The following R3HDML variants were observed in gnomAD, a reference collection of about 807,000 sequenced individuals.
R3HDML encodes peptidase inhibitor R3HDML.
A neutral mutation model predicts 24.2 loss-of-function variants in R3HDML; 21 were observed. The observed-to-expected ratio is 0.87, with a 90% confidence interval of 0.62 to 1.25. R3HDML has a LOEUF of 1.25. Ranked by LOEUF, R3HDML falls within the 50% of genes most tolerant of loss-of-function variation. R3HDML has a pLI of 0.00. For synonymous variants in R3HDML, 133 were observed against 131.5 expected (o/e 1.01, Z -0.08); for missense variants, 301 against 340.3 (o/e 0.88, Z 0.91).
chr20:44,349,059 G>A (rs370731235), intron 4 of R3HDML, among the ~76,000 whole-genome samples: 19 of 151,946 alleles, frequency 1.3e-4, no homozygotes, highest in Middle Eastern at 3.4e-3. Context: ...CCCGGGAGGC[G>A]GAGTCTGCAG....
chr20:44,338,340 G>C (rs180768570), intron 1 of R3HDML, among the ~76,000 whole-genome samples: 2 of 152,318 alleles, frequency 1.3e-5, no homozygotes, highest in Admixed American at 1.3e-4. Flanking sequence ...GCTGGTAACA[G>C]AATAGACAAG....
intron 1 of R3HDML, among the ~76,000 whole-genome samples, chr20:44,338,987 C>T (rs529707933): frequency 4.0e-5 from 6 of 150,784 alleles, no homozygotes; most frequent in African/African-American, 1.2e-4. Flanking sequence ...GCAGGAGAAT[C>T]GCTTGAACCT....
At chr20:44,339,569 G>T (rs149985067) in intron 1 of R3HDML, among the ~76,000 whole-genome samples, 1 of 143,084 alleles carries the variant, frequency 7.0e-6, no homozygotes, top group South Asian at 2.5e-4. Context: ...GCTGCCATTT[G>T]CCTATATATA....
chr20:44,337,096 T>C lies in R3HDML; in HGVS notation c.-62T>C. The C allele has an allele frequency of 6.4e-7, 1 of 1,555,806 alleles. No homozygotes were observed. ...GCTCAGGGTCTGGTGCTCTCGTGCC[T>C]GCCCCTTCCAGGCAGCCGGCTCTGA... On this transcript the variant is annotated 5_prime_UTR_variant, in exon 1 of 5. Transcript: ENST00000217043. This position sits in a 1 kb window ranked among gnomAD's most constrained non-coding sequence, Gnocchi z 4.7.
chr20:44,346,423 T>G (rs926021222), intron 4 of R3HDML, among the ~76,000 whole-genome samples: 1 of 152,220 alleles, frequency 6.6e-6, no homozygotes, highest in African/African-American at 2.4e-5. Context: ...CCAATAATCC[T>G]TTTCCTTTAC....
intron 3 of R3HDML, among the ~76,000 whole-genome samples, chr20:44,344,274 C>A (rs1232965298): frequency 6.7e-6 from 1 of 148,280 alleles, no homozygotes; most frequent in African/African-American, 2.5e-5. Context: ...GAACGAGACT[C>A]CGTCTCAAAA....
At chr20:44,341,924 G>A (rs539082048) in intron 2 of R3HDML, among the ~76,000 whole-genome samples, 1 of 152,134 alleles carries the variant, frequency 6.6e-6, no homozygotes, top group African/African-American at 2.4e-5. Flanking sequence ...AAGATAAGGG[G>A]ATAAAATAAA....
intron 4 of R3HDML, among the ~76,000 whole-genome samples, chr20:44,349,317 T>C (rs1046746509): frequency 2.7e-5 from 4 of 150,522 alleles, no homozygotes; most frequent in Admixed American, 1.3e-4. Context: ...ACTATAGTGA[T>C]TGCAATCCTT....
intron 1 of R3HDML, among the ~76,000 whole-genome samples, chr20:44,339,128 G>A (rs1399488962): frequency 6.6e-6 from 1 of 150,906 alleles, no homozygotes; most frequent in Non-Finnish European, 1.5e-5. Context: ...CCCCTCTTTG[G>A]ATGCCCCATT....
intron 1 of R3HDML, among the ~76,000 whole-genome samples, chr20:44,339,715 G>C (rs979172298): frequency 6.6e-6 from 1 of 151,904 alleles, no homozygotes; most frequent in Admixed American, 6.6e-5. Context: ...CGGTGTGCAG[G>C]GTGGTGGGGT....
At chr20:44,338,354 C>G (rs1360330621) in intron 1 of R3HDML, among the ~76,000 whole-genome samples, 1 of 152,176 alleles carries the variant, frequency 6.6e-6, no homozygotes, top group African/African-American at 2.4e-5. Flanking sequence ...AGACAAGGCC[C>G]CTTCCTTCAC....
intron 4 of R3HDML, among the ~76,000 whole-genome samples, chr20:44,349,898 T>C (rs947773475): frequency 2.0e-5 from 3 of 151,928 alleles, no homozygotes; most frequent in Non-Finnish European, 2.9e-5. Flanking sequence ...GGTGAAACCC[T>C]GTCTGTACTA....
At chr20:44,349,476 C>G (rs1348083766) in intron 4 of R3HDML, among the ~76,000 whole-genome samples, 1 of 152,136 alleles carries the variant, frequency 6.6e-6, no homozygotes, top group African/African-American at 2.4e-5. Context: ...GCAGCCGGCA[C>G]AAATCCTGAT....
Position 44,337,724 on chromosome 20 carries a change from C to T in R3HDML, c.261+306C>T, listed in dbSNP as rs899920046. 5.5e-5 allele frequency among the ~76,000 whole-genome samples: 8 copies of T among 145,878 alleles called. No individual in the cohort carries two copies. Among genetic ancestry groups the T allele is most frequent in the African/African-American group, 2.6e-5 (1 of 38,592 alleles). ...CATCTCCATTTTCCAGAGGAAGAAA[C>T]TGAGACTCAGAGAATTAATTTGCCC... On this transcript the variant is annotated intron_variant, in intron 1 of 4. Coordinates refer to ENST00000217043, the MANE Select transcript of R3HDML (RefSeq NM_178491.4). This position sits in a 1 kb window ranked among gnomAD's most constrained non-coding sequence, Gnocchi z 4.7.
At chr20:44,345,225 C>A in intron 3 of R3HDML, 38 bp from the exon 4 acceptor site, 1 of 1,545,936 alleles carries the variant, frequency 6.5e-7, no homozygotes, top group Non-Finnish European at 8.9e-7. Flanking sequence ...TCCCACTGAG[C>A]CCTTCTCATA....
chr20:44,344,905 T>C, intron 3 of R3HDML: 1 of 215,528 alleles, frequency 4.6e-6, no homozygotes, highest in Non-Finnish European at 9.2e-6. Flanking sequence ...CCAACTTCCT[T>C]CTCGCGACTG....
In R3HDML at chr20:44,345,361, C is replaced by G. The variant is rs2062783600; in HGVS notation, c.612C>G (p.Val204=). The G allele has an allele frequency of 6.2e-7, 1 of 1,613,382 alleles. No homozygotes were observed. Among genetic ancestry groups the G allele is most frequent in the African/African-American group, 1.3e-5 (1 of 75,048 alleles). The part of the protein sequence containing the change: ...GNTWHRAAYL[V]CNYAIKGNWI... The stretch of plus-strand genomic sequence containing the variant: ...CCTGGCATCGGGCGGCATACCTGGT[C>G]TGCAACTATGCCATTAAGTAAGTGC... The change falls in exon 4 of 5, where the codon GTC becomes GTG. Residue 204 remains valine, a synonymous_variant. Coordinates refer to ENST00000217043, the MANE Select transcript of R3HDML (RefSeq NM_178491.4).
At chr20:44,339,848 G>A (rs2062767574) in intron 1 of R3HDML, among the ~76,000 whole-genome samples, 1 of 151,936 alleles carries the variant, frequency 6.6e-6, no homozygotes, top group Admixed American at 6.6e-5. Context: ...GCACGATCTC[G>A]GCTCACTACA....
chr20:44,337,297 T>G lies in R3HDML; in HGVS notation c.140T>G (p.Leu47Arg), dbSNP rs557561742. The change falls in exon 1 of 5, where the codon CTG becomes CGG. Residue 47 changes from leucine to arginine, a missense_variant. Transcript: ENST00000217043. The surrounding 1 kb of genome is among the most constrained non-coding windows in gnomAD (Gnocchi z 4.7). ...ACGGCTATGCGGCTCCTGAGTGGCCTGGAGGTGCCCAGGTACCGCCGGAAG... is the reference window on the plus strand; with the variant it reads ...ACGGCTATGCGGCTCCTGAGTGGCCGGGAGGTGCCCAGGTACCGCCGGAAG... ...ESTAMRLLSGLEVPRYRRKRH... is the reference protein window; with the variant it reads ...ESTAMRLLSGREVPRYRRKRH... 1.4e-5 allele frequency: 22 copies of G among 1,614,176 alleles called. No individual in the cohort carries two copies. Among genetic ancestry groups the G allele is most frequent in the Middle Eastern group, 3.3e-4 (2 of 6,062 alleles).
Sources: gnomAD v4.1 joint callset for allele counts (sites outside exome capture counted in the v4.1 genomes callset) on GRCh38, gnomAD v4.1.1 for gene constraint, Gnocchi (gnomAD v3.1) non-coding constraint, MANE v1.5 for transcripts, NCBI Gene and HGNC (gene_info 2026-07-23, HGNC 2026-07-21) for gene names.